CYP1A2: variants seen among roughly 807,000 people sequenced by gnomAD.
CYP1A2 encodes the protein cytochrome P450 1A2.
Under a neutral mutation model 34.7 loss-of-function variants are expected in CYP1A2, and 35 were observed. The ratio of observed to expected loss-of-function variants is 1.01; its 90% CI spans 0.77 to 1.34. The LOEUF (loss-of-function observed/expected upper bound fraction) is 1.34. Ranked by LOEUF, CYP1A2 falls within the 40% of genes most tolerant of loss-of-function variation. The pLI, the probability that CYP1A2 is intolerant of heterozygous loss-of-function variation, is 0.00. For missense variants in CYP1A2, 675 were observed against 675.8 expected (o/e 1.00, Z 0.01); for synonymous variants, 288 against 281.9 (o/e 1.02, Z -0.22).
At position 74,749,856 on chromosome 15, in the gene CYP1A2, AAAAGTCCACCAGAGCCAT is replaced by A; in HGVS notation, c.119_136del (p.Lys40_Trp46delinsArg). 6.2e-7 allele frequency: 1 copy of A among 1,607,446 alleles called. No homozygotes were observed. Among genetic ancestry groups the A allele is most frequent in the Non-Finnish European group, 8.5e-7 (1 of 1,174,980 alleles). ...GAGGCCTCGGGTCCCCAAAGGCCTGAAAAGTCCACCAGAGCCATGGGGCTGGCCCTTGCTCGGGCATGT... is the reference window on the plus strand; with the variant it reads ...GAGGCCTCGGGTCCCCAAAGGCCTGAGGGGCTGGCCCTTGCTCGGGCATGT... On this transcript the variant is annotated inframe_deletion, in exon 2 of 7. Transcript: ENST00000343932.
rs72547515 is a variant in CYP1A2 at position 74,752,211 on chromosome 15, G to A, written c.1130G>A (p.Arg377Gln). The change falls in exon 5 of 7, where the codon CGA becomes CAA. Residue 377 changes from arginine to glutamine, a missense_variant. Arg to Gln is a conservative substitution (Grantham distance 43). Coordinates refer to ENST00000343932, the MANE Select transcript of CYP1A2 (RefSeq NM_000761.5). The stretch of plus-strand genomic sequence containing the variant: ...GAGGCCTTCATCCTGGAGACCTTCC[G>A]ACACTCCTCCTTCTTGCCCTTCACC... ...YLEAFILETF[R>Q]HSSFLPFTIP... 23 of 1,613,854 alleles carry A rather than the reference G, an allele frequency of 1.4e-5. No individual in the cohort carries two copies. The East Asian group carries it at 1.6e-4, about 11-fold the overall frequency.
chr15:74,749,987 G>C lies in CYP1A2; in HGVS notation c.249G>C (p.Thr83=). ...TCCTGCAGATCCGCATTGGCTCCAC[G>C]CCCGTGCTGGTGCTGAGCCGCCTGG... The part of the protein sequence containing the change: ...GDVLQIRIGS[T]PVLVLSRLDT... The change falls in exon 2 of 7, where the codon ACG becomes ACC. Residue 83 remains threonine (T), a synonymous_variant. Coordinates refer to ENST00000343932, the MANE Select transcript of CYP1A2 (RefSeq NM_000761.5). 6.2e-7 allele frequency: 1 copy of C among 1,614,086 alleles called. No individual in the cohort carries two copies. The highest frequency in any genetic ancestry group is 8.5e-7 in the Non-Finnish European group (1 of 1,180,006).
Position 74,754,945 on chromosome 15 carries a change from C to G in CYP1A2, c.1408C>G (p.Leu470Val), listed in dbSNP as rs756883321. The G allele has an allele frequency of 6.2e-7, 1 of 1,614,252 alleles. No homozygotes were observed. Among genetic ancestry groups the G allele is most frequent in the Admixed American group, 1.7e-5 (1 of 60,026 alleles). The part of the protein sequence containing the change: ...GEVLAKWEIF[L>V]FLAILLQQLE... ...AGTCCTGGCCAAGTGGGAGATCTTC[C>G]TCTTCCTGGCCATCCTGCTACAGCA... Residue 470 changes from leucine (L) to valine (V), a missense_variant, in exon 7 of 7, where the codon CTC becomes GTC. Coordinates refer to ENST00000343932, the MANE Select transcript of CYP1A2 (RefSeq NM_000761.5).
intron 5 of CYP1A2, 79 bp downstream of exon 5, chr15:74,752,326 T>C: frequency 6.3e-7 from 1 of 1,575,532 alleles, no homozygotes; most frequent in South Asian, 1.2e-5. Flanking sequence ...GCCCTGGCCC[T>C]GGCTCAGCAT....
intron 6 of CYP1A2, 23 bp downstream of exon 6, chr15:74,753,293 A>G (rs746993211): frequency 7.5e-6 from 12 of 1,595,982 alleles, no homozygotes; most frequent in Non-Finnish European, 1.0e-5. Context: ...CCCTCACGAA[A>G]AAATGTGTGC....
chr15:74,750,829 G>A (rs989256995), intron 2 of CYP1A2, among the ~76,000 whole-genome samples: 13 of 152,130 alleles, frequency 8.5e-5, no homozygotes, highest in African/African-American at 3.1e-4. Context: ...GCAGAGTCCT[G>A]CAATGTGGGG....
rs905891949 is a variant in CYP1A2, at chr15:74,750,574, G to A, written c.831+5G>A. 5.6e-6 allele frequency: 9 copies of A among 1,610,840 alleles called. No individual in the cohort carries two copies. The highest frequency in any genetic ancestry group is 1.3e-5 in the African/African-American group (1 of 74,830). ...CACTATCAGGACTTTGACAAGGTGA[G>A]CCCGGGGTGCAGGTGGCAAGGGGCA... On this transcript the variant is annotated splice_donor_5th_base_variant and intron_variant, in intron 2 of 6. Coordinates refer to ENST00000343932, the MANE Select transcript of CYP1A2 (RefSeq NM_000761.5).
At position 74,751,751 on chromosome 15, in the gene CYP1A2, A is replaced by G. The variant is rs1258411401; in HGVS notation, c.953-14A>G. ...TGTCTTCCTTCTTTCCTCACCTTAC[A>G]CTACACGGTTCAGGATTTGACACAG... On this transcript the variant is annotated splice_polypyrimidine_tract_variant and intron_variant, in intron 3 of 6. Coordinates refer to ENST00000343932, the MANE Select transcript of CYP1A2 (RefSeq NM_000761.5). The G allele has an allele frequency of 2.5e-6, 4 of 1,611,924 alleles. No individual in the cohort carries two copies. The highest frequency in any genetic ancestry group is 1.7e-5 in the Admixed American group (1 of 59,618).
At chr15:74,754,725 C>A in intron 6 of CYP1A2, 66 bp from the exon 7 acceptor site, 1 of 1,525,164 alleles carries the variant, frequency 6.6e-7, no homozygotes, top group Non-Finnish European at 9.0e-7. Context: ...AAGTCTCCCT[C>A]CCCCAGGCAC....
chr15:74,751,089 G>C, intron 2 of CYP1A2, 100 bp from the exon 3 acceptor site: 4 of 1,517,270 alleles, frequency 2.6e-6, no homozygotes, highest in Non-Finnish European at 3.6e-6. Context: ...GGGAGGATAG[G>C]GGGGTACCCA....
rs201871401 is a variant in CYP1A2, at chr15:74,749,746, T to C, written c.8T>C (p.Leu3Ser). 67 of 1,520,642 alleles carry C rather than the reference T, an allele frequency of 4.4e-5. No individual in the cohort carries two copies. The highest frequency in any genetic ancestry group is 1.9e-5 in the Non-Finnish European group (22 of 1,132,984). 94.2% of individuals were successfully genotyped at this position (1,520,642 alleles called of 1,614,324 possible). The change falls in exon 2 of 7, where the codon TTG (leucine) becomes TCG (serine). Residue 3 changes from leucine to serine, a missense_variant. Coordinates refer to ENST00000343932, the MANE Select transcript of CYP1A2 (RefSeq NM_000761.5). ...TCCCTGCAGTTGGTACAGATGGCATTGTCCCAGTCTGTTCCCTTCTCGGCC... is the reference window on the plus strand; with the variant it reads ...TCCCTGCAGTTGGTACAGATGGCATCGTCCCAGTCTGTTCCCTTCTCGGCC... MA[L>S]SQSVPFSATE...
rs1406323512 is a variant in CYP1A2 at position 74,753,306 on chromosome 15, G to T, written c.1253+36G>T. On this transcript the variant is annotated intron_variant, in intron 6 of 6. Coordinates refer to ENST00000343932, the MANE Select transcript of CYP1A2 (RefSeq NM_000761.5). ...ACCCCTCACGAAAAAATGTGTGCAGGTTCAGCAGTCAGGAAGGCTGTTTGT... is the reference window on the plus strand; with the variant it reads ...ACCCCTCACGAAAAAATGTGTGCAGTTTCAGCAGTCAGGAAGGCTGTTTGT... 9.0e-6 allele frequency: 14 copies of T among 1,559,092 alleles called. No individual in the cohort carries two copies. In the East Asian group the frequency reaches 9.0e-5, roughly 10 times the overall value.
intron 5 of CYP1A2, among the ~76,000 whole-genome samples, chr15:74,752,870 C>T (rs971839563): frequency 1.8e-4 from 17 of 96,170 alleles, no homozygotes; most frequent in Admixed American, 5.4e-4. Context: ...CTGCCTGCTG[C>T]TTTTTTTTTT....
chr15:74,749,704 C>T, intron 1 of CYP1A2, 26 bp from the exon 2 acceptor site: 1 of 1,487,300 alleles, frequency 6.7e-7, no homozygotes, highest in East Asian at 2.3e-5. Flanking sequence ...CAACCCTCAG[C>T]CTGGTCCCTC....
At chr15:74,753,845 T>C (rs545529090) in intron 6 of CYP1A2, among the ~76,000 whole-genome samples, 5 of 152,230 alleles carry the variant, frequency 3.3e-5, no homozygotes, top group Middle Eastern at 3.4e-3. Flanking sequence ...TGTGAATGGC[T>C]CAGAGACCTC....
At position 74,753,278 on chromosome 15, in the gene CYP1A2, C is replaced by T. The variant is rs2063324871; in HGVS notation, c.1253+8C>T. The T allele has an allele frequency of 1.2e-6, 2 of 1,610,746 alleles. No individual in the cohort carries two copies. The highest frequency in any genetic ancestry group is 1.7e-5 in the Admixed American group (1 of 59,992). On this transcript the variant is annotated splice_region_variant and intron_variant, in intron 6 of 6. Coordinates refer to ENST00000343932, the MANE Select transcript of CYP1A2 (RefSeq NM_000761.5). ...GCAGGTCAACCATGACCCGTGAGTACATACCCCTCACGAAAAAATGTGTGC... is the reference window on the plus strand; with the variant it reads ...GCAGGTCAACCATGACCCGTGAGTATATACCCCTCACGAAAAAATGTGTGC...
rs1010913144 is a variant in CYP1A2, at chr15:74,753,041, A to C, written c.1167-143A>C. ...CGCAAGGAAGAGGGAGGATGTTTCTACCTCTTCCCTGTTCCTCCCCTCCCC... is the reference window on the plus strand; with the variant it reads ...CGCAAGGAAGAGGGAGGATGTTTCTCCCTCTTCCCTGTTCCTCCCCTCCCC... On this transcript the variant is annotated intron_variant, in intron 5 of 6. Transcript: ENST00000343932. The C allele has an allele frequency of 2.7e-4, 158 of 589,248 alleles. 1 individual carries two copies. The highest frequency in any genetic ancestry group is 1.5e-5 in the Non-Finnish European group (5 of 326,788). The allele number at this position is 589,248 out of a possible 1,614,324, so 36.5% of individuals were successfully genotyped here.
rs757176570 is a variant in CYP1A2, at chr15:74,750,150, C to T, written c.412C>T (p.Arg138Cys). The change falls in exon 2 of 7, where the codon CGC becomes TGC. Residue 138 changes from arginine (R) to cysteine (C), a missense_variant. Coordinates refer to ENST00000343932, the MANE Select transcript of CYP1A2 (RefSeq NM_000761.5). ...TGGACCGGTGTGGGCTGCCCGCCGGCGCCTGGCCCAGAATGCCCTCAACAC... is the reference window on the plus strand; with the variant it reads ...TGGACCGGTGTGGGCTGCCCGCCGGTGCCTGGCCCAGAATGCCCTCAACAC... ...DSGPVWAARR[R>C]LAQNALNTFS... The T allele has an allele frequency of 2.7e-5, 44 of 1,614,058 alleles. No individual in the cohort carries two copies. The South Asian group carries it at 2.7e-4, about 10-fold the overall frequency.
Position 74,753,243 on chromosome 15 carries a change from T to A in CYP1A2, c.1226T>A (p.Val409Glu), listed in dbSNP as rs752138293. 8.1e-6 allele frequency: 13 copies of A among 1,613,962 alleles called. No homozygotes were observed. The highest frequency in any genetic ancestry group is 8.5e-6 in the Non-Finnish European group (10 of 1,179,894). ...ATCCCCAAGAAATGCTGTGTCTTCG[T>A]AAACCAGTGGCAGGTCAACCATGAC... ...FYIPKKCCVFVNQWQVNHDPE... is the reference protein window; with the variant it reads ...FYIPKKCCVFENQWQVNHDPE... The change falls in exon 6 of 7, where the codon GTA becomes GAA. Residue 409 changes from valine (V) to glutamate (E), a missense_variant. Coordinates refer to ENST00000343932, the MANE Select transcript of CYP1A2 (RefSeq NM_000761.5).
Sources: allele counts gnomAD v4.1 joint callset (sites outside exome capture counted in the v4.1 genomes callset), GRCh38; gene constraint gnomAD v4.1.1; transcripts MANE v1.5; gene names NCBI Gene and HGNC (gene_info 2026-07-23, HGNC 2026-07-21).